The following GLDC variants were observed in gnomAD, a reference collection of about 807,000 sequenced individuals.
GLDC encodes glycine dehydrogenase (decarboxylating), mitochondrial.
GLDC carries 104 observed loss-of-function variants against 121.3 expected under a neutral mutation model. The observed-to-expected ratio is 0.86, with a 90% confidence interval of 0.73 to 1.01. GLDC has a LOEUF of 1.01. Among genes scored for constraint, GLDC ranks in the 50% least tolerant of loss-of-function variants. The pLI is 0.00. For missense variants in GLDC, 1,429 were observed against 1,306.6 expected, an observed-to-expected ratio of 1.09 and a Z score of -1.44; for synonymous variants, 546 against 480.6, an observed-to-expected ratio of 1.14 and a Z score of -1.78.
At chr9:6,560,815 G>C (rs1173305169) in intron 16 of GLDC, among the ~76,000 whole-genome samples, 1 of 152,198 alleles carries the variant, frequency 6.6e-6, no homozygotes, top group East Asian at 1.9e-4. Flanking sequence ...TATATGGCAA[G>C]GGGGACTTGC....
At chr9:6,553,296 G>A (rs924215580) in intron 20 of GLDC, 72 bp downstream of exon 20, 2 of 1,317,066 alleles carry the variant, frequency 1.5e-6, no homozygotes, top group Admixed American at 1.7e-5. Context: ...CAAGAAGTCT[G>A]CAGTATCCGG....
At chr9:6,558,241 A>G (rs769274725) in intron 17 of GLDC, 5 of 582,690 alleles carry the variant, frequency 8.6e-6, no homozygotes, top group African/African-American at 1.9e-5. Flanking sequence ...TGTAAGTGTG[A>G]CTGCCATTTT....
intron 15 of GLDC, among the ~76,000 whole-genome samples, chr9:6,578,577 T>C (rs1216582281): frequency 6.6e-6 from 1 of 152,014 alleles, no homozygotes. Context: ...TCTCACTCTG[T>C]TGTCTAGGCT....
intron 22 of GLDC, among the ~76,000 whole-genome samples, chr9:6,538,601 CT>C (rs1391992201): frequency 1.3e-5 from 2 of 152,174 alleles, no homozygotes; most frequent in Non-Finnish European, 2.9e-5. Context: ...CAATTCTGGG[CT>C]TTTGGACAAG....
chr9:6,594,803 AAAAG>A lies in GLDC; in HGVS notation c.1261+207_1261+210del, dbSNP rs78626191. ...AGAAAGAAAGCAAGAAAAAGGAAAT[AAAAG>A]AAAGAAAGAAAGAAAGAAAGAAAGA... On this transcript the variant is annotated intron_variant, in intron 9 of 24. Transcript: ENST00000321612. 0.058 allele frequency among the ~76,000 whole-genome samples: 8,732 copies of A among 149,970 alleles called. 463 individuals carry two copies. Among genetic ancestry groups the A allele is most frequent in the African/African-American group, 0.14 (5,734 of 40,698 alleles).
intron 16 of GLDC, among the ~76,000 whole-genome samples, chr9:6,558,980 G>A (rs1817690441): frequency 6.6e-6 from 1 of 152,058 alleles, no homozygotes; most frequent in African/African-American, 2.4e-5. Flanking sequence ...TTCTAACCTT[G>A]TCTCAGTTAG....
At chr9:6,583,266 C>T (rs1818206919) in intron 15 of GLDC, among the ~76,000 whole-genome samples, 1 of 152,062 alleles carries the variant, frequency 6.6e-6, no homozygotes, top group Non-Finnish European at 1.5e-5. Context: ...ACTTGTACAT[C>T]AATGTAAAGT....
chr9:6,545,813 G>T lies in GLDC; in HGVS notation c.2569+4990C>A, dbSNP rs180795927. ...CCACCACCATGCCTGGCTAATTTTT[G>T]TATTTTTAGTAGAGACGGGGTTTCA... On this transcript the variant is annotated intron_variant, in intron 21 of 24. Coordinates refer to ENST00000321612, the MANE Select transcript of GLDC (RefSeq NM_000170.3). Among the ~76,000 whole-genome samples, 670 of 152,080 alleles carry T rather than the reference G, an allele frequency of 4.4e-3. 3 individuals carry two copies. The highest frequency in any genetic ancestry group is 0.015 in the African/African-American group (624 of 41,506).
chr9:6,632,936 G>A (rs1433037595), intron 2 of GLDC, among the ~76,000 whole-genome samples: 1 of 152,094 alleles, frequency 6.6e-6, no homozygotes, highest in African/African-American at 2.4e-5. Flanking sequence ...CCTCCCTGCA[G>A]GCCGATCGAG....
intron 15 of GLDC, among the ~76,000 whole-genome samples, chr9:6,575,627 C>T (rs1818050598): frequency 6.6e-6 from 1 of 152,222 alleles, no homozygotes; most frequent in South Asian, 2.1e-4. Context: ...GCAATGGCCA[C>T]CTCCGTCTAC....
intron 8 of GLDC, among the ~76,000 whole-genome samples, chr9:6,599,647 G>A (rs1166563955): frequency 6.7e-6 from 1 of 150,060 alleles, no homozygotes; most frequent in Non-Finnish European, 1.5e-5. Context: ...CTGGAAACTG[G>A]AAGGCAGAGG....
chr9:6,624,723 A>G (rs1012905191), intron 2 of GLDC, among the ~76,000 whole-genome samples: 3 of 152,146 alleles, frequency 2.0e-5, no homozygotes, highest in African/African-American at 7.2e-5. Context: ...ACGGTGGCTT[A>G]CACCTGTAAT....
Position 6,606,619 on chromosome 9 carries a change from G to C in GLDC, c.686C>G (p.Thr229Arg). 2 of 1,607,764 alleles carry C rather than the reference G, an allele frequency of 1.2e-6. No homozygotes were observed. The highest frequency in any genetic ancestry group is 1.7e-6 in the Non-Finnish European group (2 of 1,174,356). The change falls in exon 5 of 25, where the codon ACA becomes AGA. Residue 229 changes from threonine to arginine, a missense_variant. By Grantham distance (71) the Thr-to-Arg change is moderately conservative (BLOSUM62 -1). Coordinates refer to ENST00000321612, the MANE Select transcript of GLDC (RefSeq NM_000170.3). The stretch of plus-strand genomic sequence containing the variant: ...GGCTCGAGTCTGGACAACAGCTATT[G>C]TCTGTGGGTGGCAACGGGGATCAAC... The part of the protein sequence containing the change: ...FLVDPRCHPQ[T>R]IAVVQTRAKY...
At chr9:6,642,538 A>G (rs1819650367) in intron 2 of GLDC, among the ~76,000 whole-genome samples, 1 of 152,184 alleles carries the variant, frequency 6.6e-6, no homozygotes, top group Non-Finnish European at 1.5e-5. Context: ...TTCAAAAATA[A>G]AAATAAAAAA....
intron 21 of GLDC, 126 bp downstream of exon 21, chr9:6,550,677 A>G (rs1429802365): frequency 6.6e-6 from 5 of 752,222 alleles, no homozygotes; most frequent in African/African-American, 1.7e-5. Flanking sequence ...CAAGAACTCT[A>G]CACTATTTTC....
At chr9:6,578,680 C>T (rs1818119370) in intron 15 of GLDC, among the ~76,000 whole-genome samples, 1 of 152,112 alleles carries the variant, frequency 6.6e-6, no homozygotes, top group African/African-American at 2.4e-5. Context: ...GCTGGGACCA[C>T]AGGTGCTTGC....
rs111758504 is a variant in GLDC, at chr9:6,620,121, T to G, written c.470+63A>C. 54 of 1,524,540 alleles carry G rather than the reference T, an allele frequency of 3.5e-5. 1 individual carries two copies. The South Asian group carries it at 5.9e-4, about 17-fold the overall frequency. 94.4% of individuals were successfully genotyped at this position (1,524,540 alleles called of 1,614,324 possible). The stretch of plus-strand genomic sequence containing the variant: ...GGCTCTGAGACTGCAAGGGGACAGA[T>G]GGAGGATGGAGAGAATTATGCAAAT... On this transcript the variant is annotated intron_variant, in intron 3 of 24. Coordinates refer to ENST00000321612, the MANE Select transcript of GLDC (RefSeq NM_000170.3).
intron 8 of GLDC, among the ~76,000 whole-genome samples, chr9:6,601,460 C>T (rs1473745055): frequency 6.6e-6 from 1 of 152,186 alleles, no homozygotes; most frequent in Non-Finnish European, 1.5e-5. Context: ...CTTTCTTACG[C>T]TTTGCCTGTT....
intron 15 of GLDC, among the ~76,000 whole-genome samples, chr9:6,584,298 G>A (rs1229437037): frequency 1.3e-5 from 2 of 152,160 alleles, no homozygotes; most frequent in East Asian, 3.9e-4. Flanking sequence ...TAACATCAGT[G>A]GCTGACATGG....
Sources: gnomAD v4.1 joint callset for allele counts (sites outside exome capture counted in the v4.1 genomes callset) on GRCh38, gnomAD v4.1.1 for gene constraint, MANE v1.5 for transcripts, NCBI Gene and HGNC (gene_info 2026-07-23, HGNC 2026-07-21) for gene names.